The following ZNHIT2 variants were observed in gnomAD, a reference collection of about 807,000 sequenced individuals.
ZNHIT2 encodes zinc finger HIT domain-containing protein 2.
Under a neutral mutation model 18.0 loss-of-function variants are expected in ZNHIT2, and 16 were observed. The observed-to-expected ratio is 0.89, with a 90% confidence interval of 0.60 to 1.35. ZNHIT2 has a LOEUF of 1.35. ZNHIT2 is among the 40% of genes most tolerant of loss of function. ZNHIT2 has a pLI of 0.00. For missense variants in ZNHIT2, 631 were observed against 566.4 expected (o/e 1.11, Z -1.16); for synonymous variants, 336 against 269.8 (o/e 1.25, Z -2.41).
Position 65,116,699 on chromosome 11 carries a change from G to A in ZNHIT2, c.955C>T (p.Arg319Cys), listed in dbSNP as rs572064452. 55 of 1,613,856 alleles carry A rather than the reference G, an allele frequency of 3.4e-5. 2 individuals are homozygous for A. In the South Asian group the frequency reaches 5.8e-4, roughly 17 times the overall value. The change falls in exon 1 of 1, where the codon CGT becomes TGT. Residue 319 changes from arginine to cysteine, a missense_variant. Arg to Cys is a radical substitution (Grantham distance 180). Transcript: ENST00000310597. ...CTAGCCACGGCCTGTTTCCGGGCACGGCCCAGGGTCTGTGCCAGGTCCCCC... is the reference window on the plus strand; with the variant it reads ...CTAGCCACGGCCTGTTTCCGGGCACAGCCCAGGGTCTGTGCCAGGTCCCCC... ...ALGDLAQTLG[R>C]ARKQAVAREE...
At position 65,117,561 on chromosome 11, in the gene ZNHIT2, C is replaced by G. The variant is rs1392412467; in HGVS notation, c.93G>C (p.Ser31=). Residue 31 remains serine, a synonymous_variant, in exon 1 of 1, where the codon TCG becomes TCC. Transcript: ENST00000310597. The stretch of plus-strand genomic sequence containing the variant: ...TGCCATGCGTCCGGTAGCAGCGCAG[C>G]GAGCAGTAGGGCGCATTACAGCGAG... ...TCPRCNAPYC[S]LRCYRTHGTC... is the part of the protein sequence containing the mutation. 2 of 1,586,090 alleles carry G rather than the reference C, an allele frequency of 1.3e-6. No individual in the cohort carries two copies. The highest frequency in any genetic ancestry group is 2.3e-5 in the South Asian group (2 of 88,244).
Position 65,116,841 on chromosome 11 carries a change from C to T in ZNHIT2, c.813G>A (p.Leu271=). The part of the protein sequence containing the change: ...EEALQAAAHV[L]EAGEHPPGPL... ...GCCCCGGCGGGTGCTCGCCTGCTTCCAGCACGTGGGCTGCCGCCTGCAGGG... is the reference window on the plus strand; with the variant it reads ...GCCCCGGCGGGTGCTCGCCTGCTTCTAGCACGTGGGCTGCCGCCTGCAGGG... Residue 271 remains leucine, a synonymous_variant, in exon 1 of 1, where the codon CTG becomes CTA. Transcript: ENST00000310597. The T allele has an allele frequency of 1.2e-6, 2 of 1,607,740 alleles. No individual in the cohort carries two copies. The highest frequency in any genetic ancestry group is 1.7e-6 in the Non-Finnish European group (2 of 1,178,832).
rs1948007261 is a variant in ZNHIT2, at chr11:65,117,533, A to C, written c.121T>G (p.Cys41Gly). 1 of 1,591,702 alleles carries C rather than the reference A, an allele frequency of 6.3e-7. No individual in the cohort carries two copies. Among genetic ancestry groups the C allele is most frequent in the South Asian group, 1.1e-5 (1 of 89,168 alleles). ...TGGTCACGGTAGAAGTTTTCTGCGC[A>C]GGTGCCATGCGTCCGGTAGCAGCGC... ...SLRCYRTHGTCAENFYRDQVL... is the reference protein window; with the variant it reads ...SLRCYRTHGTGAENFYRDQVL... Residue 41 changes from cysteine to glycine, a missense_variant, in exon 1 of 1, where the codon TGC becomes GGC. By Grantham distance (159) the Cys-to-Gly change is radical. Coordinates refer to ENST00000310597, the MANE Select transcript of ZNHIT2 (RefSeq NM_014205.4).
Position 65,117,064 on chromosome 11 carries a change from G to C in ZNHIT2, c.590C>G (p.Pro197Arg). 6.3e-7 allele frequency: 1 copy of C among 1,593,838 alleles called. No homozygotes were observed. Among genetic ancestry groups the C allele is most frequent in the Non-Finnish European group, 8.5e-7 (1 of 1,172,814 alleles). The change falls in exon 1 of 1, where the codon CCC becomes CGC. Residue 197 changes from proline to arginine, a missense_variant. Pro to Arg is a moderately radical substitution (Grantham distance 103). Transcript: ENST00000310597. ...GCCGCGGCTCAGGCTGACTATCGCGGGGATGCGGGTGGGTACGACGGGCGT... is the reference window on the plus strand; with the variant it reads ...GCCGCGGCTCAGGCTGACTATCGCGCGGATGCGGGTGGGTACGACGGGCGT... The part of the protein sequence containing the change: ...ACTPVVPTRI[P>R]AIVSLSRGPV...
At position 65,116,538 on chromosome 11, in the gene ZNHIT2, G is replaced by A; in HGVS notation, c.1116C>T (p.Ala372=). 1.3e-6 allele frequency: 2 copies of A among 1,549,516 alleles called. No homozygotes were observed. Among genetic ancestry groups the A allele is most frequent in the Non-Finnish European group, 1.8e-6 (2 of 1,142,560 alleles). ...CCCCAGTGAGGGCGGCCACCTCCTC[G>A]GCTACCACAGCATGGGCTTGGTGAG... The part of the protein sequence containing the change: ...ARAHQAHAVV[A]EEVAALTGEL... The change falls in exon 1 of 1, where the codon GCC becomes GCT. Residue 372 remains alanine, a synonymous_variant. Transcript: ENST00000310597.
At position 65,117,499 on chromosome 11, in the gene ZNHIT2, C is replaced by G. The variant is rs747321316; in HGVS notation, c.155G>C (p.Gly52Ala). Residue 52 changes from glycine (G) to alanine (A), a missense_variant, in exon 1 of 1, where the codon GGA becomes GCA. Gly to Ala is a moderately conservative substitution (Grantham distance 60). Transcript: ENST00000310597. ...AENFYRDQVL[G>A]ELRGCSAPPS... is the part of the protein sequence containing the mutation. Reference sequence around the variant, plus strand: ...AGGAGCGCTGCAACCGCGGAGCTCTCCCAGCACCTGGTCACGGTAGAAGTT... The same window carrying G: ...AGGAGCGCTGCAACCGCGGAGCTCTGCCAGCACCTGGTCACGGTAGAAGTT... 5 of 1,586,308 alleles carry G rather than the reference C, an allele frequency of 3.2e-6. No individual in the cohort carries two copies. The highest frequency in any genetic ancestry group is 4.3e-6 in the Non-Finnish European group (5 of 1,174,310).
In ZNHIT2 at chr11:65,117,638, G is replaced by A; in HGVS notation, c.16C>T (p.Pro6Ser). 6.9e-7 allele frequency: 1 copy of A among 1,447,152 alleles called. No individual in the cohort carries two copies. Among genetic ancestry groups the A allele is most frequent in the South Asian group, 1.4e-5 (1 of 71,956 alleles). 89.6% of individuals were successfully genotyped at this position (1,447,152 alleles called of 1,614,324 possible). The change falls in exon 1 of 1, where the codon CCC becomes TCC. Residue 6 changes from proline to serine, a missense_variant. Physicochemically the swap from Pro to Ser is moderately conservative, Grantham distance 74. Transcript: ENST00000310597. Reference sequence around the variant, plus strand: ...TCCCCCGCCGGGCAGAAGCCACAGGGCCCGGCCGGCTCCATGGCAACTGGC... The same window carrying A: ...TCCCCCGCCGGGCAGAAGCCACAGGACCCGGCCGGCTCCATGGCAACTGGC... MEPAG[P>S]CGFCPAGEVQ...
Position 65,117,069 on chromosome 11 carries a change from G to A in ZNHIT2, c.585C>T (p.Arg195=). ...GGCTCAGGCTGACTATCGCGGGGAT[G>A]CGGGTGGGTACGACGGGCGTGCAGG... The part of the protein sequence containing the change: ...PGACTPVVPT[R]IPAIVSLSRG... The change falls in exon 1 of 1, where the codon CGC becomes CGT. Residue 195 remains arginine (R), a synonymous_variant. Transcript: ENST00000310597. 3 of 1,593,670 alleles carry A rather than the reference G, an allele frequency of 1.9e-6. No homozygotes were observed. The highest frequency in any genetic ancestry group is 1.7e-6 in the Non-Finnish European group (2 of 1,172,818).
rs775351354 is a variant in ZNHIT2, at chr11:65,116,951, C to T, written c.703G>A (p.Ala235Thr). The T allele has an allele frequency of 1.9e-6, 3 of 1,597,920 alleles. No individual in the cohort carries two copies. The East Asian group carries it at 6.7e-5, about 36-fold the overall frequency. Reference protein sequence around the residue: ...TLALYHGGDDALLSDFCATLL... With the variant: ...TLALYHGGDDTLLSDFCATLL... Reference sequence around the variant, plus strand: ...GTGGCACAGAAGTCAGAGAGCAGCGCGTCGTCACCGCCGTGATACAGGGCG... The same window carrying T: ...GTGGCACAGAAGTCAGAGAGCAGCGTGTCGTCACCGCCGTGATACAGGGCG... The change falls in exon 1 of 1, where the codon GCG becomes ACG. Residue 235 changes from alanine (A) to threonine (T), a missense_variant. Coordinates refer to ENST00000310597, the MANE Select transcript of ZNHIT2 (RefSeq NM_014205.4).
Position 65,117,179 on chromosome 11 carries a change from C to A in ZNHIT2, c.475G>T (p.Ala159Ser). The A allele has an allele frequency of 6.4e-7, 1 of 1,558,090 alleles. No individual in the cohort carries two copies. The highest frequency in any genetic ancestry group is 8.6e-7 in the Non-Finnish European group (1 of 1,157,764). The change falls in exon 1 of 1, where the codon GCG (alanine) becomes TCG (serine). Residue 159 changes from alanine to serine, a missense_variant. Physicochemically the swap from Ala to Ser is moderately conservative, Grantham distance 99. Coordinates refer to ENST00000310597, the MANE Select transcript of ZNHIT2 (RefSeq NM_014205.4). ...TTCACAGAATCCGGCGGGGTCCTCG[C>A]AGGGGCGAGCTCCAGCTCCGCGGCG... ...SDAAELELAP[A>S]RTPPDSVKDA...
chr11:65,116,889 T>C lies in ZNHIT2; in HGVS notation c.765A>G (p.Gln255=). The change falls in exon 1 of 1, where the codon CAA becomes CAG. Residue 255 remains glutamine (Q), a synonymous_variant. Transcript: ENST00000310597. ...LGVSGALGAQ[Q]VFASAEEALQ... Reference sequence around the variant, plus strand: ...GGGCTTCTTCCGCAGAGGCGAAGACTTGCTGGGCACCCAGGGCTCCGGAAA... The same window carrying C: ...GGGCTTCTTCCGCAGAGGCGAAGACCTGCTGGGCACCCAGGGCTCCGGAAA... 1 of 1,600,268 alleles carries C rather than the reference T, an allele frequency of 6.2e-7. No individual in the cohort carries two copies.
At position 65,116,901 on chromosome 11, in the gene ZNHIT2, C is replaced by G; in HGVS notation, c.753G>C (p.Leu251=). ...CAGAGGCGAAGACTTGCTGGGCACC[C>G]AGGGCTCCGGAAACGCCGAGCAGTG... The part of the protein sequence containing the change: ...CATLLGVSGA[L]GAQQVFASAE... The change falls in exon 1 of 1, where the codon CTG becomes CTC. Residue 251 remains leucine (L), a synonymous_variant. Coordinates refer to ENST00000310597, the MANE Select transcript of ZNHIT2 (RefSeq NM_014205.4). 1 of 1,597,858 alleles carries G rather than the reference C, an allele frequency of 6.3e-7. No homozygotes were observed. Among genetic ancestry groups the G allele is most frequent in the Non-Finnish European group, 8.5e-7 (1 of 1,176,608 alleles).
rs1185226226 is a variant in ZNHIT2 at position 65,116,663 on chromosome 11, C to T, written c.991G>A (p.Asp331Asn). The T allele has an allele frequency of 1.2e-6, 2 of 1,614,088 alleles. No homozygotes were observed. The highest frequency in any genetic ancestry group is 1.7e-6 in the Non-Finnish European group (2 of 1,180,024). The change falls in exon 1 of 1, where the codon GAT becomes AAT. Residue 331 changes from aspartate (D) to asparagine (N), a missense_variant. Physicochemically the swap from Asp to Asn is conservative, Grantham distance 23. Transcript: ENST00000310597. ...RKQAVAREER[D>N]HLYRARKKCQ... ...TTTTTCCGGGCCCGGTAAAGATGAT[C>T]TCGCTCTTCTCTAGCCACGGCCTGT...
In ZNHIT2 at chr11:65,116,944, A is replaced by G; in HGVS notation, c.710T>C (p.Leu237Pro). 1.3e-6 allele frequency: 2 copies of G among 1,597,878 alleles called. No individual in the cohort carries two copies. Among genetic ancestry groups the G allele is most frequent in the Non-Finnish European group, 1.7e-6 (2 of 1,176,570 alleles). The change falls in exon 1 of 1, where the codon CTC becomes CCC. Residue 237 changes from leucine (L) to proline (P), a missense_variant. Transcript: ENST00000310597. The part of the protein sequence containing the change: ...ALYHGGDDAL[L>P]SDFCATLLGV... ...GAGCAGTGTGGCACAGAAGTCAGAG[A>G]GCAGCGCGTCGTCACCGCCGTGATA...
Position 65,116,709 on chromosome 11 carries a change from C to G in ZNHIT2, c.945G>C (p.Gln315His), listed in dbSNP as rs1283357251. ...CCTGTTTCCGGGCACGGCCCAGGGT[C>G]TGTGCCAGGTCCCCCAGTGCTGCCA... ...YTLAALGDLA[Q>H]TLGRARKQAV... The change falls in exon 1 of 1, where the codon CAG becomes CAC. Residue 315 changes from glutamine to histidine, a missense_variant. By Grantham distance (24) the Gln-to-His change is conservative. Transcript: ENST00000310597. 1.2e-6 allele frequency: 2 copies of G among 1,613,612 alleles called. No individual in the cohort carries two copies. Among genetic ancestry groups the G allele is most frequent in the African/African-American group, 1.3e-5 (1 of 74,954 alleles).
Position 65,116,565 on chromosome 11 carries a change from C to T in ZNHIT2, c.1089G>A (p.Arg363=), listed in dbSNP as rs376279736. 8.3e-5 allele frequency: 132 copies of T among 1,584,744 alleles called. No individual in the cohort carries two copies. Among genetic ancestry groups the T allele is most frequent in the Non-Finnish European group, 1.2e-5 (14 of 1,160,332 alleles). The part of the protein sequence containing the change: ...ALTPLALDCA[R]AHQAHAVVAE... ...CTACCACAGCATGGGCTTGGTGAGC[C>T]CTGGCGCAGTCTAGGGCCAGGGGTG... The change falls in exon 1 of 1, where the codon AGG becomes AGA. Residue 363 remains arginine (R), a synonymous_variant. Transcript: ENST00000310597.
chr11:65,117,366 C>T lies in ZNHIT2; in HGVS notation c.288G>A (p.Ser96=), dbSNP rs1411461655. The T allele has an allele frequency of 4.0e-6, 6 of 1,506,982 alleles. No homozygotes were observed. In the Admixed American group the frequency reaches 6.9e-5, roughly 17 times the overall value. 93.4% of individuals were successfully genotyped at this position (1,506,982 alleles called of 1,614,324 possible). The change falls in exon 1 of 1, where the codon TCG becomes TCA. Residue 96 remains serine, a synonymous_variant. Transcript: ENST00000310597. ...CCGGCGCCAGCCGCTCCCAGAGTCC[C>T]GATAGGCCGCCGGGCGCCGGGCCGG... ...LSSGPAPGGL[S]GLWERLAPGE... is the part of the protein sequence containing the mutation.
chr11:65,117,179 C>T lies in ZNHIT2; in HGVS notation c.475G>A (p.Ala159Thr), dbSNP rs756234395. ...TTCACAGAATCCGGCGGGGTCCTCGCAGGGGCGAGCTCCAGCTCCGCGGCG... is the reference window on the plus strand; with the variant it reads ...TTCACAGAATCCGGCGGGGTCCTCGTAGGGGCGAGCTCCAGCTCCGCGGCG... ...SDAAELELAP[A>T]RTPPDSVKDA... The change falls in exon 1 of 1, where the codon GCG (alanine) becomes ACG (threonine). Residue 159 changes from alanine (A) to threonine (T), a missense_variant. Transcript: ENST00000310597. 3.9e-6 allele frequency: 6 copies of T among 1,557,972 alleles called. No individual in the cohort carries two copies.
Position 65,116,904 on chromosome 11 carries a change from G to A in ZNHIT2, c.750C>T (p.Ala250=). 1 of 1,597,798 alleles carries A rather than the reference G, an allele frequency of 6.3e-7. No individual in the cohort carries two copies. Among genetic ancestry groups the A allele is most frequent in the Non-Finnish European group, 8.5e-7 (1 of 1,176,658 alleles). The change falls in exon 1 of 1, where the codon GCC becomes GCT. Residue 250 remains alanine, a synonymous_variant. Coordinates refer to ENST00000310597, the MANE Select transcript of ZNHIT2 (RefSeq NM_014205.4). ...AGGCGAAGACTTGCTGGGCACCCAG[G>A]GCTCCGGAAACGCCGAGCAGTGTGG... ...FCATLLGVSG[A]LGAQQVFASA... is the part of the protein sequence containing the mutation.
Sources: gnomAD v4.1 joint callset for allele counts on GRCh38, gnomAD v4.1.1 for gene constraint, MANE v1.5 for transcripts, NCBI Gene and HGNC (gene_info 2026-07-23, HGNC 2026-07-21) for gene names.